USP6NL: variants seen among roughly 807,000 people sequenced by gnomAD.
The protein encoded by USP6NL is USP6 N-terminal-like protein.
In USP6NL, 26 loss-of-function variants were observed where a neutral mutation model predicts 61.9. The observed-to-expected ratio is 0.42, with a 90% confidence interval of 0.31 to 0.58. USP6NL has a LOEUF of 0.58. Among genes scored for constraint, USP6NL ranks in the 20% least tolerant of loss-of-function variants. USP6NL has a pLI of 0.16. For missense variants in USP6NL, 1,114 were observed against 1,034.3 expected (o/e 1.08, Z -1.06); for synonymous variants, 432 against 390.1 (o/e 1.11, Z -1.27).
At chr10:11,571,450 C>T (rs1837358342) in intron 2 of USP6NL, among the ~76,000 whole-genome samples, 1 of 152,080 alleles carries the variant, frequency 6.6e-6, no homozygotes, top group Non-Finnish European at 1.5e-5. Flanking sequence ...TATCGCATAC[C>T]AAGGAAAACT....
intron 2 of USP6NL, among the ~76,000 whole-genome samples, chr10:11,535,750 G>GT (rs1431219321): frequency 6.6e-6 from 1 of 152,068 alleles, no homozygotes; most frequent in African/African-American, 2.4e-5. Flanking sequence ...TCTTAGTTAC[G>GT]TTTTTAGTTG....
rs898909038 is a variant in USP6NL at position 11,460,871 on chromosome 10, T to C, written c.*1570A>G. ...CCCAGTTATTTCACCAGAATTTTGT[T>C]TGCGTTTCAATGTAGTGTTTAGCTT... On this transcript the variant is annotated 3_prime_UTR_variant, in exon 15 of 15. Transcript: ENST00000609104. 4 of 152,390 alleles carry C rather than the reference T, an allele frequency of 2.6e-5. No individual in the cohort carries two copies. The highest frequency in any genetic ancestry group is 2.0e-4 in the Admixed American group (3 of 15,272). The allele number at this position is 152,390 out of a possible 1,614,324, so 9.4% of individuals were successfully genotyped here. A position where few individuals can be genotyped will look rare whatever the true frequency, so the allele number is the denominator to read the frequency against.
intron 6 of USP6NL, among the ~76,000 whole-genome samples, chr10:11,503,193 A>G (rs1426079143): frequency 6.6e-6 from 1 of 152,206 alleles, no homozygotes; most frequent in Non-Finnish European, 1.5e-5. Flanking sequence ...CAAATGCTAA[A>G]AGTAAAATTT....
At chr10:11,500,982 C>T (rs913026965) in intron 7 of USP6NL, 119 bp downstream of exon 7, 9 of 767,150 alleles carry the variant, frequency 1.2e-5, no homozygotes, top group Admixed American at 3.5e-5. Context: ...ACCTCCAATG[C>T]GATAGAATTT....
chr10:11,469,602 T>G (rs958221256), intron 14 of USP6NL, among the ~76,000 whole-genome samples: 2 of 152,042 alleles, frequency 1.3e-5, no homozygotes, highest in East Asian at 3.8e-4. Flanking sequence ...TCTGCAGAGA[T>G]TTTCAATAAG....
In USP6NL at chr10:11,478,686, C is replaced by T. The variant is rs1367016292; in HGVS notation, c.1078+3084G>A. On this transcript the variant is annotated intron_variant, in intron 14 of 14. Transcript: ENST00000609104. This position sits in a 1 kb window ranked among gnomAD's most constrained non-coding sequence, Gnocchi z 6.8. Reference sequence around the variant, plus strand: ...TTGGGAGGCTGAGGTGGGCAGATTGCTTGAGTCCAGGAGTCTGAGACCAGC... The same window carrying T: ...TTGGGAGGCTGAGGTGGGCAGATTGTTTGAGTCCAGGAGTCTGAGACCAGC... 6.6e-6 allele frequency among the ~76,000 whole-genome samples: 1 copy of T among 152,090 alleles called. No individual in the cohort carries two copies. Among genetic ancestry groups the T allele is most frequent in the East Asian group, 1.9e-4 (1 of 5,188 alleles).
chr10:11,504,027 A>G (rs973270625), intron 6 of USP6NL, among the ~76,000 whole-genome samples: 1 of 152,170 alleles, frequency 6.6e-6, no homozygotes, highest in African/African-American at 2.4e-5. Flanking sequence ...ATATAATTAC[A>G]CCAAAAACTT....
rs528685159 is a variant in USP6NL, at chr10:11,591,518, T to C, written c.4+6113A>G. Among the ~76,000 whole-genome samples the C allele has an allele frequency of 3.3e-5, 5 of 152,150 alleles. No individual in the cohort carries two copies. The highest frequency in any genetic ancestry group is 5.9e-5 in the Non-Finnish European group (4 of 68,022). On this transcript the variant is annotated intron_variant, in intron 2 of 14. Transcript: ENST00000609104. The surrounding 1 kb of genome is among the most constrained non-coding windows in gnomAD (Gnocchi z 4.7). Reference sequence around the variant, plus strand: ...AAGCTTTACTAAGCTTATACTACTATAGTAATTTACATTTATGCAAAAAAT... The same window carrying C: ...AAGCTTTACTAAGCTTATACTACTACAGTAATTTACATTTATGCAAAAAAT...
In USP6NL at chr10:11,596,195, G is replaced by A. The variant is rs1346640343; in HGVS notation, c.4+1436C>T. Among the ~76,000 whole-genome samples the A allele has an allele frequency of 1.3e-5, 2 of 152,190 alleles. No homozygotes were observed. The highest frequency in any genetic ancestry group is 2.9e-5 in the Non-Finnish European group (2 of 68,028). On this transcript the variant is annotated intron_variant, in intron 2 of 14. Transcript: ENST00000609104. This position sits in a 1 kb window ranked among gnomAD's most constrained non-coding sequence, Gnocchi z 4.1. ...AAAATTTATTTCACTTTCCAAAAAT[G>A]TAAGCGTTTTTAAGTTAAAATGCTT...
chr10:11,468,704 G>T lies in USP6NL; in HGVS notation c.1079-4855C>A, dbSNP rs577868450. On this transcript the variant is annotated intron_variant, in intron 14 of 14. Transcript: ENST00000609104. The surrounding 1 kb of genome is among the most constrained non-coding windows in gnomAD (Gnocchi z 4.5). ...TTGAGGAAAATGTTGCCATGGCATG[G>T]TCTATTCCTATGTTGTGATATTCAC... 3.8e-3 allele frequency among the ~76,000 whole-genome samples: 584 copies of T among 152,354 alleles called. 2 individuals carry two copies. Among genetic ancestry groups the T allele is most frequent in the Non-Finnish European group, 5.4e-3 (367 of 68,034 alleles).
chr10:11,501,389 G>A (rs181734797), intron 6 of USP6NL, among the ~76,000 whole-genome samples, 181 bp from the exon 7 acceptor site: 1 of 152,280 alleles, frequency 6.6e-6, no homozygotes, highest in East Asian at 1.9e-4. Context: ...TTCTAACAGG[G>A]AGATACAGAC....
chr10:11,580,547 A>G (rs1197768190), intron 2 of USP6NL, among the ~76,000 whole-genome samples: 1 of 152,224 alleles, frequency 6.6e-6, no homozygotes, highest in Admixed American at 6.5e-5. Flanking sequence ...ACGGCATTAA[A>G]AAAATTGCAT....
Position 11,602,765 on chromosome 10 carries a change from C to T in USP6NL, c.-83-5048G>A, listed in dbSNP as rs987959275. Among the ~76,000 whole-genome samples the T allele has an allele frequency of 2.0e-5, 3 of 152,136 alleles. No individual in the cohort carries two copies. Among genetic ancestry groups the T allele is most frequent in the Non-Finnish European group, 4.4e-5 (3 of 68,028 alleles). On this transcript the variant is annotated intron_variant, in intron 1 of 14. Coordinates refer to ENST00000609104, the MANE Select transcript of USP6NL (RefSeq NM_014688.5). This position sits in a 1 kb window ranked among gnomAD's most constrained non-coding sequence, Gnocchi z 4.8. ...GCTCAACTGGTATAATGCAAATATT[C>T]CAAAATCTGAAAAAATCTAAAACCT...
intron 5 of USP6NL, among the ~76,000 whole-genome samples, chr10:11,517,233 G>C (rs1834995165): frequency 6.6e-6 from 1 of 152,230 alleles, no homozygotes; most frequent in Non-Finnish European, 1.5e-5. Flanking sequence ...AGAGATCATA[G>C]TCAGAGTGTG....
At position 11,463,674 on chromosome 10, in the gene USP6NL, G is replaced by C; in HGVS notation, c.1254C>G (p.Pro418=). ...TCTCGGGCGTCCCGGTCCTGCTCTG[G>C]GGGTGCGGGGAGTGCTCGTGCCTCC... The part of the protein sequence containing the change: ...PHRRHEHSPH[P]QSRTGTPERA... Residue 418 remains proline, a synonymous_variant, in exon 15 of 15, where the codon CCC becomes CCG. Transcript: ENST00000609104. The surrounding 1 kb of genome is among the most constrained non-coding windows in gnomAD (Gnocchi z 6.3). 4 of 1,613,930 alleles carry C rather than the reference G, an allele frequency of 2.5e-6. No individual in the cohort carries two copies. Among genetic ancestry groups the C allele is most frequent in the South Asian group, 2.2e-5 (2 of 91,078 alleles).
chr10:11,571,524 G>C (rs1378944667), intron 2 of USP6NL, among the ~76,000 whole-genome samples: 1 of 151,914 alleles, frequency 6.6e-6, no homozygotes, highest in Non-Finnish European at 1.5e-5. Flanking sequence ...ATACTTCTAG[G>C]ATAATTTTCT....
chr10:11,523,064 C>T (rs112071818), intron 4 of USP6NL, among the ~76,000 whole-genome samples: 4 of 152,238 alleles, frequency 2.6e-5, no homozygotes, highest in Non-Finnish European at 4.4e-5. Context: ...GAGCACAGAA[C>T]AGTGCTCAGC....
rs1427367678 is a variant in USP6NL, at chr10:11,587,532, T to C, written c.4+10099A>G. ...CAGAATCAGAGTCTTAAAATGTCCA[T>C]TTATTCTATTTTTGGCTAAAGAAAA... On this transcript the variant is annotated intron_variant, in intron 2 of 14. Transcript: ENST00000609104. This position sits in a 1 kb window ranked among gnomAD's most constrained non-coding sequence, Gnocchi z 4.5. Among the ~76,000 whole-genome samples the C allele has an allele frequency of 2.6e-5, 4 of 152,198 alleles. No individual in the cohort carries two copies. Among genetic ancestry groups the C allele is most frequent in the African/African-American group, 2.4e-5 (1 of 41,452 alleles).
Position 11,559,599 on chromosome 10 carries a change from T to C in USP6NL, c.5-32032A>G, listed in dbSNP as rs529834449. ...TATATATATATCATCTAAGTAACATTATACTACAGTAATAAATGGAAAAAC... is the reference window on the plus strand; with the variant it reads ...TATATATATATCATCTAAGTAACATCATACTACAGTAATAAATGGAAAAAC... On this transcript the variant is annotated intron_variant, in intron 2 of 14. Transcript: ENST00000609104. Among the ~76,000 whole-genome samples, 27 of 152,180 alleles carry C rather than the reference T, an allele frequency of 1.8e-4. 1 individual carries two copies. The highest frequency in any genetic ancestry group is 1.0e-3 in the Admixed American group (16 of 15,270).
Sources: gnomAD v4.1 joint callset for allele counts (sites outside exome capture counted in the v4.1 genomes callset) on GRCh38, gnomAD v4.1.1 for gene constraint, Gnocchi (gnomAD v3.1) non-coding constraint, MANE v1.5 for transcripts, NCBI Gene and HGNC (gene_info 2026-07-23, HGNC 2026-07-21) for gene names.